CRYBG3: variants seen among roughly 807,000 people sequenced by gnomAD.
CRYBG3 encodes very large A-kinase anchor protein.
A neutral mutation model predicts 244.2 loss-of-function variants in CRYBG3; 127 were observed. The observed-to-expected ratio is 0.52, with a 90% CI of 0.45 to 0.60. CRYBG3 has a LOEUF of 0.60. CRYBG3 is among the 20% of genes least tolerant of loss of function. The pLI, the probability that CRYBG3 is intolerant of heterozygous loss-of-function variation, is 0.00. For synonymous variants in CRYBG3, 1,132 were observed against 1,195.8 expected, an observed-to-expected ratio of 0.95 and a Z score of 1.10; for missense variants, 3,325 against 3,442.5, an observed-to-expected ratio of 0.97 and a Z score of 0.85.
At chr3:97,894,884 T>C (rs1035163539) in intron 11 of CRYBG3, among the ~76,000 whole-genome samples, 5 of 152,200 alleles carry the variant, frequency 3.3e-5, no homozygotes, top group Non-Finnish European at 5.9e-5. Flanking sequence ...TATAGGTTTA[T>C]TCCAATTCAT....
chr3:97,824,708 G>A (rs189974947), intron 1 of CRYBG3, among the ~76,000 whole-genome samples: 18 of 152,292 alleles, frequency 1.2e-4, no homozygotes, highest in Admixed American at 7.8e-4. Flanking sequence ...CAACTTAGGC[G>A]TAGGCACTCA....
intron 17 of CRYBG3, among the ~76,000 whole-genome samples, chr3:97,916,082 C>A (rs1162672284): frequency 6.6e-6 from 1 of 152,126 alleles, no homozygotes; most frequent in East Asian, 1.9e-4. Flanking sequence ...ATAGCACTTA[C>A]AAGGCCATTG....
rs770464373 is a variant in CRYBG3 at position 97,898,954 on chromosome 3, T to C, written c.7773T>C (p.Asn2591=). Residue 2591 remains asparagine (N), a synonymous_variant, in exon 13 of 22, where the codon AAT becomes AAC. Transcript: ENST00000389622. ...GTGGGAAGTTTATTGACATTACAAA[T>C]CAGGAAATTTCTGATTTGGAAGAAA... ...LESGKFIDIT[N]QEISDLEEIG... 8.1e-6 allele frequency: 13 copies of C among 1,611,988 alleles called. No homozygotes were observed. The highest frequency in any genetic ancestry group is 2.2e-5 in the South Asian group (2 of 90,760).
At chr3:97,899,590 T>C (rs1318677142) in intron 14 of CRYBG3, among the ~76,000 whole-genome samples, 1 of 152,190 alleles carries the variant, frequency 6.6e-6, no homozygotes, top group Middle Eastern at 3.2e-3. Flanking sequence ...AATAGATGTA[T>C]GGACAATTAA....
chr3:97,889,292 A>G (rs2039544924), intron 9 of CRYBG3, 63 bp from the exon 10 acceptor site: 1 of 1,239,838 alleles, frequency 8.1e-7, no homozygotes, highest in African/African-American at 1.5e-5. Context: ...TCACTTTCAG[A>G]TATTACATTC....
In CRYBG3 at chr3:97,873,592, T is replaced by C; in HGVS notation, c.2398T>C (p.Ser800Pro). The part of the protein sequence containing the change: ...TKANMSIIEK[S>P]DSLSLEAKTA... ...AGCAAATATGAGCATAATAGAGAAG[T>C]CTGATTCTCTTTCCTTGGAAGCCAA... The change falls in exon 4 of 22, where the codon TCT (serine) becomes CCT (proline). Residue 800 changes from serine to proline, a missense_variant. Physicochemically the swap from Ser to Pro is moderately conservative, Grantham distance 74 (BLOSUM62 -1). This residue lies in a region of CRYBG3 where 1,526 missense variants were observed against 1,443.2 expected (regional missense o/e 1.06). Coordinates refer to ENST00000389622, the MANE Select transcript of CRYBG3 (RefSeq NM_153605.4). The C allele has an allele frequency of 6.5e-7, 1 of 1,534,540 alleles. No individual in the cohort carries two copies. The highest frequency in any genetic ancestry group is 1.4e-5 in the African/African-American group (1 of 73,058).
intron 3 of CRYBG3, among the ~76,000 whole-genome samples, chr3:97,866,414 A>G (rs1405525444): frequency 6.6e-6 from 1 of 152,198 alleles, no homozygotes; most frequent in African/African-American, 2.4e-5. Flanking sequence ...TGGGATTACG[A>G]TTGTCTAAAG....
intron 17 of CRYBG3, chr3:97,933,056 T>A (rs1212733159): frequency 2.3e-6 from 1 of 436,582 alleles, no homozygotes; most frequent in Non-Finnish European, 4.5e-6. Context: ...GGATAGATGG[T>A]GCCTTGTTTT....
intron 3 of CRYBG3, among the ~76,000 whole-genome samples, chr3:97,866,007 AC>A (rs1559724408): frequency 6.6e-6 from 1 of 152,174 alleles, no homozygotes; most frequent in East Asian, 1.9e-4. Flanking sequence ...TTAGACAACA[AC>A]TCACCAATAG....
rs1247152261 is a variant in CRYBG3 at position 97,888,671 on chromosome 3, A to G, written c.7404+216A>G. ...CAGACTGTTCAATTAAACATTGGCTATGTGATAAACCATTTTTGGTTAGTC... is the reference window on the plus strand; with the variant it reads ...CAGACTGTTCAATTAAACATTGGCTGTGTGATAAACCATTTTTGGTTAGTC... On this transcript the variant is annotated intron_variant, in intron 9 of 21. Transcript: ENST00000389622. 3.9e-5 allele frequency among the ~76,000 whole-genome samples: 6 copies of G among 152,212 alleles called. No homozygotes were observed. In the South Asian group the frequency reaches 6.2e-4, roughly 16 times the overall value.
At chr3:97,930,164 T>C (rs1235785752) in intron 17 of CRYBG3, among the ~76,000 whole-genome samples, 2 of 152,100 alleles carry the variant, frequency 1.3e-5, no homozygotes, top group Admixed American at 6.6e-5. Context: ...GCCTTTGATG[T>C]AGATGTCTGT....
intron 2 of CRYBG3, among the ~76,000 whole-genome samples, chr3:97,858,125 ATT>A (rs1301341905): frequency 1.4e-5 from 2 of 145,776 alleles, no homozygotes; most frequent in Non-Finnish European, 3.0e-5. Context: ...TTTTTCCTTC[ATT>A]TCTGAGGGAT....
intron 1 of CRYBG3, among the ~76,000 whole-genome samples, chr3:97,824,966 T>C (rs1427956749): frequency 1.3e-5 from 2 of 152,084 alleles, no homozygotes; most frequent in Admixed American, 6.6e-5. Flanking sequence ...GTAGGGATGA[T>C]TTTAACTGGG....
At chr3:97,854,500 T>C in intron 2 of CRYBG3, among the ~76,000 whole-genome samples, 1 of 152,242 alleles carries the variant, frequency 6.6e-6, no homozygotes, top group South Asian at 2.1e-4. Context: ...GTGTTTCCAT[T>C]TGTTTGTGTC....
In CRYBG3 at chr3:97,896,135, C is replaced by A; in HGVS notation, c.7701+50C>A. ...TTTTCTACCTTTTAAAAAATCTGTT[C>A]ACAAAAATTGGACATGACTCCTGAT... On this transcript the variant is annotated intron_variant, in intron 12 of 21. Coordinates refer to ENST00000389622, the MANE Select transcript of CRYBG3 (RefSeq NM_153605.4). 1.9e-6 allele frequency: 3 copies of A among 1,545,108 alleles called. No homozygotes were observed. The South Asian group carries it at 3.7e-5, about 19-fold the overall frequency.
chr3:97,863,015 T>C (rs1391430466), intron 2 of CRYBG3, among the ~76,000 whole-genome samples: 2 of 152,162 alleles, frequency 1.3e-5, no homozygotes. Context: ...TAATTTGAAC[T>C]TAGATCAAAA....
At chr3:97,924,309 A>G in intron 17 of CRYBG3, 1 of 387,886 alleles carries the variant, frequency 2.6e-6, no homozygotes, top group Non-Finnish European at 4.9e-6. Context: ...AAATGTGAAA[A>G]GCAAACTTTA....
intron 2 of CRYBG3, among the ~76,000 whole-genome samples, chr3:97,852,798 T>C (rs1336538114): frequency 6.6e-6 from 1 of 152,134 alleles, no homozygotes; most frequent in African/African-American, 2.4e-5. Flanking sequence ...GCACCAACAG[T>C]GTATAACAGT....
In CRYBG3 at chr3:97,877,108, G is replaced by A. The variant is rs920346229; in HGVS notation, c.5914G>A (p.Asp1972Asn). ...AAGAATGTCTCTTACTGCAATATAT[G>A]ACAAGAGGAGAGAGACAGATTATAG... ...DKRMSLTAIY[D>N]KRRETDYSDK... The change falls in exon 4 of 22, where the codon GAC becomes AAC. Residue 1972 changes from aspartate to asparagine, a missense_variant. This residue lies in a region of CRYBG3 where 450 missense variants were observed against 424.1 expected (regional missense o/e 1.06). Coordinates refer to ENST00000389622, the MANE Select transcript of CRYBG3 (RefSeq NM_153605.4). 4 of 1,613,328 alleles carry A rather than the reference G, an allele frequency of 2.5e-6. No individual in the cohort carries two copies. In the South Asian group the frequency reaches 4.4e-5, roughly 18 times the overall value.
Sources: allele counts gnomAD v4.1 joint callset (sites outside exome capture counted in the v4.1 genomes callset), GRCh38; gene constraint gnomAD v4.1.1; regional missense constraint gnomAD v4.1.1; transcripts MANE v1.5; gene names NCBI Gene and HGNC (gene_info 2026-07-23, HGNC 2026-07-21).